CLCA1: variants seen among roughly 807,000 people sequenced by gnomAD.
CLCA1 encodes the protein calcium-activated chloride channel regulator 1.
A neutral mutation model predicts 85.6 loss-of-function variants in CLCA1; 59 were observed. The ratio of observed to expected loss-of-function variants is 0.69; its 90% CI spans 0.56 to 0.86. The LOEUF (loss-of-function observed/expected upper bound fraction) is 0.86. Among genes scored for constraint, CLCA1 ranks in the 40% least tolerant of loss-of-function variants. The pLI is 0.00. For missense variants in CLCA1, 1,022 were observed against 1,101.4 expected, an observed-to-expected ratio of 0.93 and a Z score of 1.02; for synonymous variants, 396 against 398.3, an observed-to-expected ratio of 0.99 and a Z score of 0.07.
chr1:86,471,430 A>G (rs1306100251), intron 1 of CLCA1, among the ~76,000 whole-genome samples: 4 of 152,166 alleles, frequency 2.6e-5, no homozygotes, highest in Admixed American at 1.3e-4. Context: ...GAGTCTAAAT[A>G]TGTATTAGGA....
intron 13 of CLCA1, 47 bp downstream of exon 13, chr1:86,498,858 G>A (rs1223258336): frequency 7.0e-6 from 11 of 1,576,264 alleles, no homozygotes; most frequent in Non-Finnish European, 9.5e-6. Context: ...TACCAGCCAA[G>A]TAGAAGAGCA....
chr1:86,473,734 T>G lies in CLCA1; in HGVS notation c.309T>G (p.Asp103Glu), dbSNP rs913017682. The change falls in exon 3 of 14, where the codon GAT becomes GAG. Residue 103 changes from aspartate (D) to glutamate (E), a missense_variant. By Grantham distance (45) the Asp-to-Glu change is conservative. Coordinates refer to ENST00000394711, the MANE Select transcript of CLCA1 (RefSeq NM_001285.4). ...RPKLETYKNA[D>E]VLVAESTPPG... ...AACTTTTTCTTAAATTTCAGGCTGA[T>G]GTTCTGGTTGCTGAGTCTACTCCTC... The G allele has an allele frequency of 6.4e-7, 1 of 1,572,148 alleles. No individual in the cohort carries two copies. The highest frequency in any genetic ancestry group is 1.4e-5 in the African/African-American group (1 of 73,088).
In CLCA1 at chr1:86,496,649, G is replaced by A. The variant is rs145860890; in HGVS notation, c.2113+974G>A. Reference sequence around the variant, plus strand: ...CCTTCCCACTGTCATCTTTACTTGGGTGTGTGCTTAGTGAAGAGAGGATTC... The same window carrying A: ...CCTTCCCACTGTCATCTTTACTTGGATGTGTGCTTAGTGAAGAGAGGATTC... On this transcript the variant is annotated intron_variant, in intron 12 of 13. Transcript: ENST00000394711. 3.5e-3 allele frequency among the ~76,000 whole-genome samples: 534 copies of A among 152,270 alleles called. 2 individuals carry two copies. The highest frequency in any genetic ancestry group is 5.2e-3 in the Non-Finnish European group (352 of 68,016).
rs368059952 is a variant in CLCA1 at position 86,485,530 on chromosome 1, G to T, written c.923G>T (p.Cys308Phe). Residue 308 changes from cysteine (C) to phenylalanine (F), a missense_variant, in exon 6 of 14, where the codon TGT becomes TTT. Coordinates refer to ENST00000394711, the MANE Select transcript of CLCA1 (RefSeq NM_001285.4). ...SLLQIGQRIV[C>F]LVLDKSGSMA... The stretch of plus-strand genomic sequence containing the variant: ...CTGCAGATTGGACAAAGAATTGTGT[G>T]TTTAGTCCTTGACAAATCTGGAAGC... 3.1e-6 allele frequency: 5 copies of T among 1,614,036 alleles called. No homozygotes were observed. In the African/African-American group the frequency reaches 5.3e-5, roughly 17 times the overall value.
In CLCA1 at chr1:86,469,039, C is replaced by A; in HGVS notation, c.68C>A (p.Ser23Ter). Residue 23 changes from serine to a stop codon, truncating the protein, a stop_gained, in exon 1 of 14, where the codon TCA becomes TAA. Coordinates refer to ENST00000394711, the MANE Select transcript of CLCA1 (RefSeq NM_001285.4). LOFTEE classifies it high-confidence loss of function. ...LHLLEGALSN[S>*]LIQLNNNGYE... ...CTTCTAGAAGGGGCCCTGAGTAATT[C>A]ACTCATTCAGCTGAACAACAATGGC... 1 of 1,613,082 alleles carries A rather than the reference C, an allele frequency of 6.2e-7. No individual in the cohort carries two copies. Among genetic ancestry groups the A allele is most frequent in the Non-Finnish European group, 8.5e-7 (1 of 1,179,442 alleles).
chr1:86,473,946 AT>A (rs1647570327), intron 3 of CLCA1, 70 bp downstream of exon 3: 3 of 1,166,760 alleles, frequency 2.6e-6, no homozygotes, highest in African/African-American at 3.0e-5. Context: ...CAACACTAGC[AT>A]TATCTTTGTG....
intron 8 of CLCA1, 44 bp downstream of exon 8, chr1:86,489,214 T>C: frequency 3.2e-6 from 5 of 1,568,820 alleles, no homozygotes; most frequent in Non-Finnish European, 4.4e-6. Context: ...TCTCTCCTAC[T>C]GGACTGTGAG....
intron 5 of CLCA1, among the ~76,000 whole-genome samples, chr1:86,483,130 T>C (rs906886470): frequency 5.3e-5 from 8 of 152,222 alleles, no homozygotes; most frequent in African/African-American, 1.7e-4. Flanking sequence ...TAAAATGTGA[T>C]GCACCATGGC....
intron 5 of CLCA1, among the ~76,000 whole-genome samples, chr1:86,483,509 T>C (rs1647875251): frequency 6.6e-6 from 1 of 152,116 alleles, no homozygotes; most frequent in Non-Finnish European, 1.5e-5. Context: ...ACTTTTCTTT[T>C]GTATACTATG....
chr1:86,485,254 G>C, intron 5 of CLCA1, 89 bp from the exon 6 acceptor site: 10 of 949,894 alleles, frequency 1.1e-5, no homozygotes, highest in Non-Finnish European at 1.6e-5. Flanking sequence ...CCAAGGTTAT[G>C]CATTAGCAGA....
At chr1:86,491,955 C>T (rs1648144110) in intron 9 of CLCA1, among the ~76,000 whole-genome samples, 1 of 87,300 alleles carries the variant, frequency 1.1e-5, no homozygotes, top group Non-Finnish European at 2.4e-5. Flanking sequence ...CAGAAAACTT[C>T]CAATGGCCCA....
chr1:86,493,167 G>A (rs1312353780), intron 9 of CLCA1, among the ~76,000 whole-genome samples: 2 of 152,266 alleles, frequency 1.3e-5, no homozygotes, highest in Non-Finnish European at 2.9e-5. Context: ...AGGACCTTTG[G>A]GGAGTGGTCT....
chr1:86,491,179 T>C, intron 8 of CLCA1, 86 bp from the exon 9 acceptor site: 3 of 848,536 alleles, frequency 3.5e-6, no homozygotes, highest in Non-Finnish European at 5.7e-6. Context: ...GGGATATTTA[T>C]ATTGTATGCT....
intron 9 of CLCA1, among the ~76,000 whole-genome samples, chr1:86,492,781 G>C (rs1648170301): frequency 6.6e-6 from 1 of 152,152 alleles, no homozygotes. Flanking sequence ...TTAGCAATTA[G>C]GTAATTCAGA....
intron 4 of CLCA1, among the ~76,000 whole-genome samples, chr1:86,479,495 T>G (rs1398382986): frequency 6.6e-6 from 1 of 152,116 alleles, no homozygotes; most frequent in Non-Finnish European, 1.5e-5. Flanking sequence ...AAGAGTTCGT[T>G]GAGTAGATAG....
At chr1:86,484,891 G>A (rs989002993) in intron 5 of CLCA1, among the ~76,000 whole-genome samples, 15 of 152,226 alleles carry the variant, frequency 9.9e-5, no homozygotes, top group South Asian at 2.1e-4. Flanking sequence ...AGTTTGAGGC[G>A]CATGTGAGAC....
At chr1:86,483,295 A>G (rs908499373) in intron 5 of CLCA1, among the ~76,000 whole-genome samples, 1 of 152,238 alleles carries the variant, frequency 6.6e-6, no homozygotes, top group Non-Finnish European at 1.5e-5. Context: ...TGGGGTTTAC[A>G]CAAACGTTTT....
chr1:86,493,300 C>T, intron 9 of CLCA1, 84 bp from the exon 10 acceptor site: 2 of 1,033,940 alleles, frequency 1.9e-6, no homozygotes, highest in Admixed American at 3.8e-5. Context: ...TTTAATGGCG[C>T]ACTGGGGAGA....
At position 86,473,749 on chromosome 1, in the gene CLCA1, G is replaced by A; in HGVS notation, c.324G>A (p.Glu108=). 1 of 1,586,174 alleles carries A rather than the reference G, an allele frequency of 6.3e-7. No homozygotes were observed. Among genetic ancestry groups the A allele is most frequent in the Non-Finnish European group, 8.6e-7 (1 of 1,167,382 alleles). The stretch of plus-strand genomic sequence containing the variant: ...TTCAGGCTGATGTTCTGGTTGCTGA[G>A]TCTACTCCTCCAGGTAATGATGAAC... ...TYKNADVLVA[E]STPPGNDEPY... Residue 108 remains glutamate (E), a synonymous_variant, in exon 3 of 14, where the codon GAG becomes GAA. Transcript: ENST00000394711.
Sources: gnomAD v4.1 joint callset for allele counts (sites outside exome capture counted in the v4.1 genomes callset) on GRCh38, gnomAD v4.1.1 for gene constraint, MANE v1.5 for transcripts, NCBI Gene and HGNC (gene_info 2026-07-23, HGNC 2026-07-21) for gene names.